The following CCDC3 variants were observed in gnomAD, a reference collection of about 807,000 sequenced individuals.
CCDC3 encodes the protein coiled-coil domain containing 3.
Under a neutral mutation model 21.4 loss-of-function variants are expected in CCDC3, and 24 were observed. The observed-to-expected ratio is 1.12, with a 90% CI of 0.81 to 1.58. The LOEUF is 1.58. Ranked by LOEUF, CCDC3 falls within the 40% of genes most tolerant of loss-of-function variation. The pLI is 0.00. For synonymous variants in CCDC3, 186 were observed against 166.0 expected, an observed-to-expected ratio of 1.12 and a Z score of -0.93; for missense variants, 425 against 360.9, an observed-to-expected ratio of 1.18 and a Z score of -1.44.
chr10:13,028,449 C>T (rs981727792), intron 5 of CCDC3, among the ~76,000 whole-genome samples: 1 of 152,050 alleles, frequency 6.6e-6, no homozygotes, highest in Non-Finnish European at 1.5e-5. Context: ...ATACACACAA[C>T]CCATAACAGA....
At chr10:13,077,558 C>G (rs945470751) in intron 3 of CCDC3, among the ~76,000 whole-genome samples, 5 of 152,150 alleles carry the variant, frequency 3.3e-5, no homozygotes, top group African/African-American at 1.2e-4. Flanking sequence ...CAAGACAATC[C>G]TAAGCCAAAA....
intron 2 of CCDC3, among the ~76,000 whole-genome samples, chr10:12,971,485 C>CT (rs1835342851): frequency 6.6e-6 from 1 of 152,178 alleles, no homozygotes; most frequent in Non-Finnish European, 1.5e-5. Context: ...AAATGGCCTC[C>CT]TTGCCAGATC....
rs1834016999 is a variant in CCDC3 at position 12,897,368 on chromosome 10, G to A, written c.*1048C>T. ...TTGGTGGTGTAAGGAACTGACGTAA[G>A]GACAAGTGCACTGACGTACACGTAT... is the stretch of plus-strand genomic sequence containing the variant. On this transcript the variant is annotated 3_prime_UTR_variant, in exon 3 of 3. Transcript: ENST00000378825. 6.6e-6 allele frequency: 1 copy of A among 152,200 alleles called. No individual in the cohort carries two copies. The highest frequency in any genetic ancestry group is 2.4e-5 in the African/African-American group (1 of 41,434). 9.4% of individuals were successfully genotyped at this position (152,200 alleles called of 1,614,324 possible).
intron 3 of CCDC3, among the ~76,000 whole-genome samples, chr10:13,086,843 A>G (rs893569091): frequency 2.0e-5 from 3 of 152,184 alleles, no homozygotes; most frequent in African/African-American, 7.2e-5. Context: ...AGGAAGCGGC[A>G]CCTGCCACCC....
At chr10:12,955,409 C>A (rs1036885014) in intron 2 of CCDC3, among the ~76,000 whole-genome samples, 1 of 152,190 alleles carries the variant, frequency 6.6e-6, no homozygotes, top group Non-Finnish European at 1.5e-5. Flanking sequence ...GAAAATACAG[C>A]CTTTCTTAGG....
chr10:12,931,208 C>CAAAAAAAAAAAAAAAAAAAAAAAA (rs67541166), intron 2 of CCDC3, among the ~76,000 whole-genome samples: 1 of 75,054 alleles, frequency 1.3e-5, no homozygotes, highest in African/African-American at 4.8e-5. Context: ...AAGACTCTGT[C>CAAAAAAAAAAAAAAAAAAAAAAAA]AAAAAAAAAA....
chr10:13,079,328 G>A (rs556090168), intron 3 of CCDC3, among the ~76,000 whole-genome samples: 164 of 152,246 alleles, frequency 1.1e-3, no homozygotes, highest in Non-Finnish European at 1.9e-3. Context: ...GAATAAACCC[G>A]GACTCTCAGC....
intron 2 of CCDC3, among the ~76,000 whole-genome samples, chr10:12,929,210 C>A (rs900265526): frequency 6.9e-6 from 1 of 144,868 alleles, no homozygotes; most frequent in Non-Finnish European, 1.5e-5. Flanking sequence ...CGCAGTGAGC[C>A]GAGATCGTGC....
intron 2 of CCDC3, among the ~76,000 whole-genome samples, chr10:12,899,975 G>A (rs1350591469): frequency 6.6e-6 from 1 of 152,192 alleles, no homozygotes; most frequent in East Asian, 1.9e-4. Context: ...ATGAAATCAT[G>A]AAGGTGGGTT....
rs1836476763 is a variant in CCDC3 at position 13,042,792 on chromosome 10, C to T, written c.-2+6882G>A. 2.0e-5 allele frequency among the ~76,000 whole-genome samples: 3 copies of T among 151,440 alleles called. No individual in the cohort carries two copies. In the South Asian group the frequency reaches 6.3e-4, roughly 32 times the overall value. ...GGTGTGGTGGCGGGCGCCTGTAGTC[C>T]CAGCTACCCGGGAGGCTGAGGCAGG... On this transcript the variant is annotated intron_variant, in intron 5 of 6. Coordinates refer to the CCDC3 transcript ENST00000378839.
chr10:12,941,723 C>T (rs1173369333), intron 2 of CCDC3, among the ~76,000 whole-genome samples: 1 of 152,168 alleles, frequency 6.6e-6, no homozygotes, highest in Non-Finnish European at 1.5e-5. Flanking sequence ...TAAAAACAAA[C>T]TGGGTTGGGA....
chr10:12,953,967 T>C (rs533439018), intron 2 of CCDC3, among the ~76,000 whole-genome samples: 4 of 152,306 alleles, frequency 2.6e-5, no homozygotes, highest in East Asian at 1.9e-4. Context: ...ACAAGGACAA[T>C]TAGTAAACAA....
chr10:12,947,042 G>A (rs576714689), intron 2 of CCDC3, among the ~76,000 whole-genome samples: 5 of 151,994 alleles, frequency 3.3e-5, no homozygotes, highest in East Asian at 1.9e-4. Flanking sequence ...GTTTATTTTC[G>A]GTCAAAAATT....
At chr10:13,012,600 G>A (rs377403452) in intron 5 of CCDC3, among the ~76,000 whole-genome samples, 3 of 152,016 alleles carry the variant, frequency 2.0e-5, no homozygotes, top group African/African-American at 7.2e-5. Flanking sequence ...GGTGGGAGGA[G>A]GGAGAAGTTC....
chr10:12,988,118 A>G (rs1175096764), intron 2 of CCDC3, among the ~76,000 whole-genome samples: 1 of 152,154 alleles, frequency 6.6e-6, no homozygotes, highest in Non-Finnish European at 1.5e-5. Flanking sequence ...GATCCAGCCC[A>G]TGCTCACCTC....
intron 2 of CCDC3, among the ~76,000 whole-genome samples, chr10:12,922,311 G>A (rs1372797734): frequency 6.6e-6 from 1 of 152,158 alleles, no homozygotes; most frequent in Admixed American, 6.5e-5. Context: ...ACCTGGGTGG[G>A]AGCTCCCATC....
chr10:12,904,774 T>C (rs1382430967), intron 2 of CCDC3, among the ~76,000 whole-genome samples: 1 of 152,178 alleles, frequency 6.6e-6, no homozygotes, highest in Non-Finnish European at 1.5e-5. Flanking sequence ...AGTATATCCA[T>C]GATACCATCT....
intron 5 of CCDC3, among the ~76,000 whole-genome samples, chr10:13,016,334 G>GAAAAA (rs72075391): frequency 1.3e-5 from 1 of 78,370 alleles, no homozygotes. Context: ...TTGGTAAAGC[G>GAAAAA]AAAAAAAAAA....
rs138360673 is a variant in CCDC3 at position 12,905,324 on chromosome 10, G to A, written c.550-6645C>T. Among the ~76,000 whole-genome samples, 25 of 152,288 alleles carry A rather than the reference G, an allele frequency of 1.6e-4. No homozygotes were observed. In the East Asian group the frequency reaches 4.4e-3, roughly 27 times the overall value. Reference sequence around the variant, plus strand: ...TTTGTGGCAGCTGTTGTGCTGCAATGGCAGAGGTGAGTAGCTGCAACGGCT... The same window carrying A: ...TTTGTGGCAGCTGTTGTGCTGCAATAGCAGAGGTGAGTAGCTGCAACGGCT... On this transcript the variant is annotated intron_variant, in intron 2 of 2. Coordinates refer to ENST00000378825, the MANE Select transcript of CCDC3 (RefSeq NM_031455.4).
Sources: allele counts gnomAD v4.1 joint callset (sites outside exome capture counted in the v4.1 genomes callset), GRCh38; gene constraint gnomAD v4.1.1; transcripts MANE v1.5; gene names NCBI Gene and HGNC (gene_info 2026-07-23, HGNC 2026-07-21).